The following SEMA3C variants were observed in gnomAD, a reference collection of about 807,000 sequenced individuals.
The protein encoded by SEMA3C is semaphorin-3C.
Under a neutral mutation model 89.4 loss-of-function variants are expected in SEMA3C, and 47 were observed. The observed-to-expected ratio is 0.53, with a 90% CI of 0.42 to 0.67. The LOEUF is 0.67. SEMA3C is among the 30% of genes least tolerant of loss of function. The probability of loss-of-function intolerance (pLI) is 0.00; values close to 1 mark genes in which losing one functional copy is unlikely to be tolerated. For missense variants in SEMA3C, 839 were observed against 929.1 expected (o/e 0.90, Z 1.26); for synonymous variants, 310 against 320.2 (o/e 0.97, Z 0.34).
In SEMA3C at chr7:80,812,420, A is replaced by T. The variant is rs1055053522; in HGVS notation, c.448-1719T>A. On this transcript the variant is annotated intron_variant, in intron 5 of 17. Transcript: ENST00000265361. The stretch of plus-strand genomic sequence containing the variant: ...TGAATCCGATTTCCAAAAGATCTTC[A>T]TTCATGTAACCACTAAACTAAATCA... 3.0e-4 allele frequency among the ~76,000 whole-genome samples: 45 copies of T among 152,334 alleles called. 1 individual carries two copies. Among genetic ancestry groups the T allele is most frequent in the Admixed American group, 2.9e-3 (45 of 15,298 alleles).
chr7:80,899,215 A>G (rs566612033), intron 2 of SEMA3C, among the ~76,000 whole-genome samples: 16 of 151,970 alleles, frequency 1.1e-4, no homozygotes, highest in African/African-American at 3.1e-4. Flanking sequence ...TACTTTTTGT[A>G]TTTTTAGTAG....
Position 80,849,438 on chromosome 7 carries a change from GTTT to G in SEMA3C, c.104-20696_104-20694del, listed in dbSNP as rs1217952924. ...TTGTTTTTAAACTGATCAACTATAA[GTTT>G]CTTTTATCATTATCTCTATTTCATG... On this transcript the variant is annotated intron_variant, in intron 2 of 17. Transcript: ENST00000265361. 2.0e-3 allele frequency among the ~76,000 whole-genome samples: 300 copies of G among 151,706 alleles called. 3 individuals are homozygous for G. In the East Asian group the frequency reaches 0.022, roughly 11 times the overall value.
At chr7:80,917,749 A>T (rs1792312434) in intron 1 of SEMA3C, among the ~76,000 whole-genome samples, 1 of 152,232 alleles carries the variant, frequency 6.6e-6, no homozygotes, top group African/African-American at 2.4e-5. Flanking sequence ...TACCATAATT[A>T]CACAATAAAG....
intron 2 of SEMA3C, among the ~76,000 whole-genome samples, chr7:80,860,958 T>C (rs1291531150): frequency 6.6e-6 from 1 of 152,194 alleles, no homozygotes; most frequent in Non-Finnish European, 1.5e-5. Flanking sequence ...AATGTTGACA[T>C]AGTTTATGTG....
At chr7:80,889,643 T>C (rs1013527085) in intron 2 of SEMA3C, among the ~76,000 whole-genome samples, 1 of 152,176 alleles carries the variant, frequency 6.6e-6, no homozygotes, top group Admixed American at 6.5e-5. Context: ...AGTAATTATA[T>C]ACTTTTCTAA....
In SEMA3C at chr7:80,830,349, C is replaced by T. The variant is rs192677942; in HGVS notation, c.104-1604G>A. On this transcript the variant is annotated intron_variant, in intron 2 of 17. Transcript: ENST00000265361. ...TCAATTTAATTGACACATATAAATA[C>T]GTGAAATGAGTGACAAGAGATAGTA... Among the ~76,000 whole-genome samples the T allele has an allele frequency of 1.9e-3, 293 of 152,138 alleles. 1 individual carries two copies. Among genetic ancestry groups the T allele is most frequent in the African/African-American group, 6.8e-3 (282 of 41,516 alleles).
intron 5 of SEMA3C, among the ~76,000 whole-genome samples, chr7:80,815,352 T>C (rs1041148621): frequency 6.6e-6 from 1 of 151,730 alleles, no homozygotes; most frequent in African/African-American, 2.4e-5. Context: ...ATTAAACAGT[T>C]TTAGTTAATG....
At chr7:80,835,766 G>T in intron 2 of SEMA3C, among the ~76,000 whole-genome samples, 1 of 152,072 alleles carries the variant, frequency 6.6e-6, no homozygotes, top group East Asian at 1.9e-4. Flanking sequence ...AAGTGTTCTA[G>T]GTGCTTTATA....
chr7:80,807,492 G>C (rs981540323), intron 6 of SEMA3C, among the ~76,000 whole-genome samples: 1 of 152,098 alleles, frequency 6.6e-6, no homozygotes, highest in Non-Finnish European at 1.5e-5. Flanking sequence ...AGAAATTTTT[G>C]ATAAATGTCA....
intron 13 of SEMA3C, among the ~76,000 whole-genome samples, chr7:80,762,092 T>TAAAA (rs547180420): frequency 2.0e-3 from 148 of 73,398 alleles, no homozygotes; most frequent in Middle Eastern, 0.011. Flanking sequence ...TCCGTCTCAA[T>TAAAA]AAAAAAAAAA....
chr7:80,919,205 C>T (rs1367377732), upstream of SEMA3C: 5 of 984,958 alleles, frequency 5.1e-6, no homozygotes, highest in South Asian at 4.7e-5. Context: ...CGAGGCCCCA[C>T]CCCGAGCGCG....
At chr7:80,863,958 G>A (rs539098011) in intron 2 of SEMA3C, among the ~76,000 whole-genome samples, 9 of 126,354 alleles carry the variant, frequency 7.1e-5, no homozygotes, top group African/African-American at 2.5e-4. Context: ...TATATCACAT[G>A]TATATCACAT....
At chr7:80,823,744 C>G (rs1268403304) in intron 4 of SEMA3C, among the ~76,000 whole-genome samples, 1 of 151,940 alleles carries the variant, frequency 6.6e-6, no homozygotes, top group Non-Finnish European at 1.5e-5. Context: ...TATATATAAT[C>G]CTACTTAATT....
intron 2 of SEMA3C, among the ~76,000 whole-genome samples, chr7:80,908,157 T>TA (rs1319068363): frequency 6.6e-6 from 1 of 152,186 alleles, no homozygotes; most frequent in African/African-American, 2.4e-5. Flanking sequence ...TCATTTAAAA[T>TA]AAACTGTGAT....
chr7:80,767,174 C>T (rs918965089), intron 12 of SEMA3C, among the ~76,000 whole-genome samples: 12 of 152,130 alleles, frequency 7.9e-5, no homozygotes, highest in African/African-American at 1.4e-4. Context: ...GCCTTAGGCC[C>T]CTTGGTCAAG....
At chr7:80,881,024 A>G (rs1457142250) in intron 2 of SEMA3C, among the ~76,000 whole-genome samples, 2 of 152,096 alleles carry the variant, frequency 1.3e-5, no homozygotes, top group African/African-American at 4.8e-5. Flanking sequence ...TTCCATCACA[A>G]TTATTCTTAT....
chr7:80,896,081 G>T (rs1472168467), intron 2 of SEMA3C, among the ~76,000 whole-genome samples: 1 of 151,964 alleles, frequency 6.6e-6, no homozygotes, highest in East Asian at 1.9e-4. Context: ...CCCCATAGTA[G>T]TCTAAGCATG....
chr7:80,767,455 A>T (rs1788330164), intron 12 of SEMA3C, among the ~76,000 whole-genome samples: 1 of 152,350 alleles, frequency 6.6e-6, no homozygotes, highest in East Asian at 1.9e-4. Context: ...TCATGTAAAC[A>T]TTATGCATAT....
intron 5 of SEMA3C, among the ~76,000 whole-genome samples, chr7:80,816,745 AC>A (rs1293121042): frequency 6.6e-6 from 1 of 152,168 alleles, no homozygotes; most frequent in Non-Finnish European, 1.5e-5. Context: ...CATTAATGAA[AC>A]TGCTTCTCCT....
Sources: allele counts gnomAD v4.1 joint callset (sites outside exome capture counted in the v4.1 genomes callset), GRCh38; gene constraint gnomAD v4.1.1; transcripts MANE v1.5; gene names NCBI Gene and HGNC (gene_info 2026-07-23, HGNC 2026-07-21).